The following MARF1 variants were observed in gnomAD, a reference collection of about 807,000 sequenced individuals.
MARF1 encodes the protein meiosis regulator and mRNA stability factor 1.
Under a neutral mutation model 168.2 loss-of-function variants are expected in MARF1, and 24 were observed. The observed-to-expected ratio is 0.14, with a 90% CI of 0.10 to 0.20. The LOEUF is 0.20. Ranked by LOEUF, MARF1 falls within the 10% of genes least tolerant of loss-of-function variation. MARF1 has a pLI of 1.00. For missense variants in MARF1, 1,744 were observed against 2,143.6 expected (o/e 0.81, Z 3.68); for synonymous variants, 868 against 822.4 (o/e 1.06, Z -0.95).
At chr16:15,598,067 G>A (rs2031940863) in intron 26 of MARF1, among the ~76,000 whole-genome samples, 1 of 152,180 alleles carries the variant, frequency 6.6e-6, no homozygotes, top group African/African-American at 2.4e-5. Context: ...GGGAGGAGTT[G>A]GGTTCCAACA....
At chr16:15,619,440 C>G (rs1307933538) in intron 13 of MARF1, among the ~76,000 whole-genome samples, 1 of 152,210 alleles carries the variant, frequency 6.6e-6, no homozygotes, top group Non-Finnish European at 1.5e-5. Flanking sequence ...CTCCCCTGTT[C>G]CTGCCCTCTC....
At chr16:15,609,833 T>A (rs1023903848) in intron 19 of MARF1, 108 bp from the exon 20 acceptor site, 1 of 912,638 alleles carries the variant, frequency 1.1e-6, no homozygotes, top group Admixed American at 2.5e-5. Context: ...GATATCATCC[T>A]TGCCTTCCAA....
chr16:15,611,475 A>C, intron 18 of MARF1, 117 bp downstream of exon 18: 1 of 873,120 alleles, frequency 1.1e-6, no homozygotes, highest in South Asian at 2.1e-5. Flanking sequence ...ACAAAAAACT[A>C]CTACAAGTTT....
chr16:15,635,178 T>G, intron 3 of MARF1: 1 of 470,764 alleles, frequency 2.1e-6, no homozygotes, highest in Non-Finnish European at 3.7e-6. Context: ...TTCTGGGGCA[T>G]GAGTCTGCTG....
At chr16:15,598,455 A>G (rs1276206438) in intron 26 of MARF1, among the ~76,000 whole-genome samples, 1 of 151,814 alleles carries the variant, frequency 6.6e-6, no homozygotes, top group Non-Finnish European at 1.5e-5. Context: ...CCCTCCATTC[A>G]CCCCTTTATA....
chr16:15,603,766 T>G (rs2285048), intron 22 of MARF1, among the ~76,000 whole-genome samples: 2 of 151,532 alleles, frequency 1.3e-5, no homozygotes, highest in Non-Finnish European at 2.9e-5. Context: ...AAAGGCTGCC[T>G]GGGGGACTGG....
chr16:15,636,388 G>A (rs4781677), intron 2 of MARF1, 46 bp from the exon 3 acceptor site: 307,762 of 1,443,116 alleles, frequency 0.21, 35,547 homozygotes, highest in Middle Eastern at 0.28. Flanking sequence ...TGAGGTCCGT[G>A]GTTTTTTGGT....
chr16:15,603,931 C>T (rs1567533529), intron 22 of MARF1, among the ~76,000 whole-genome samples: 1 of 151,960 alleles, frequency 6.6e-6, no homozygotes, highest in Admixed American at 6.6e-5. Context: ...AGGCTTTCAT[C>T]CTAGAACGGG....
intron 5 of MARF1, among the ~76,000 whole-genome samples, chr16:15,632,508 A>G (rs2035317201): frequency 6.6e-6 from 1 of 152,192 alleles, no homozygotes; most frequent in South Asian, 2.1e-4. Context: ...CCATGATTGT[A>G]TTCTCTCCCT....
chr16:15,640,934 T>G (rs1190317476), intron 1 of MARF1, among the ~76,000 whole-genome samples: 1 of 152,052 alleles, frequency 6.6e-6, no homozygotes, highest in Admixed American at 6.6e-5. Flanking sequence ...TAAAATAAAA[T>G]AAAGTTCAAA....
chr16:15,624,938 G>A lies in MARF1; in HGVS notation c.2112-11C>T, dbSNP rs748792130. 4 of 1,613,830 alleles carry A rather than the reference G, an allele frequency of 2.5e-6. No homozygotes were observed. Among genetic ancestry groups the A allele is most frequent in the Middle Eastern group, 3.3e-4 (2 of 6,062 alleles). On this transcript the variant is annotated splice_polypyrimidine_tract_variant and intron_variant, in intron 9 of 26. Transcript: ENST00000396368. ...CTGAGGTTCTCCTTTCTAACAGAAG[G>A]GGAAAATTGAAGGCAAAAGGTCATA... is the stretch of plus-strand genomic sequence containing the variant.
At chr16:15,642,936 G>C (rs2036138451) in intron 1 of MARF1, 82 bp downstream of exon 1, 1 of 189,056 alleles carries the variant, frequency 5.3e-6, no homozygotes, top group Admixed American at 6.5e-5. Context: ...GGGGAAAGAG[G>C]GGACACTGTC....
At position 15,625,170 on chromosome 16, in the gene MARF1, G is replaced by C. The variant is rs761353716; in HGVS notation, c.1957C>G (p.Leu653Val). Residue 653 changes from leucine to valine, a missense_variant, in exon 9 of 27, where the codon CTG becomes GTG. Coordinates refer to ENST00000396368, the MANE Select transcript of MARF1 (RefSeq NM_014647.4). The stretch of plus-strand genomic sequence containing the variant: ...CCAGTTTTTGACTCCATGCGGCACA[G>C]CTCCTTCAAAGACACAAGCACAGTG... ...KNTNVKSLQE[L>V]CRMESKTGHR... 2.5e-5 allele frequency: 40 copies of C among 1,613,714 alleles called. No homozygotes were observed. The highest frequency in any genetic ancestry group is 3.2e-5 in the Non-Finnish European group (38 of 1,179,898).
At chr16:15,635,415 T>A in intron 3 of MARF1, 1 of 515,588 alleles carries the variant, frequency 1.9e-6, no homozygotes, top group East Asian at 3.0e-5. Flanking sequence ...ACCTCTTGTT[T>A]GCAACAAGAG....
At chr16:15,603,420 A>G (rs1467844252) in intron 22 of MARF1, among the ~76,000 whole-genome samples, 1 of 151,942 alleles carries the variant, frequency 6.6e-6, no homozygotes, top group Non-Finnish European at 1.5e-5. Flanking sequence ...GTGATTCTCT[A>G]GCCTCAGCCT....
intron 16 of MARF1, among the ~76,000 whole-genome samples, chr16:15,614,792 CA>C (rs201659285): frequency 2.9e-4 from 41 of 143,248 alleles, no homozygotes; most frequent in South Asian, 4.4e-4. Flanking sequence ...GACTCCGTCT[CA>C]AAAAAAAAAA....
At position 15,596,489 on chromosome 16, in the gene MARF1, G is replaced by T. The variant is rs867037208; in HGVS notation, c.*204C>A. ...CAAGTTCTTCAAATAATTGAAAAAA[G>T]AAAGAAAAAGGAAGAAGAAAAGAAA... On this transcript the variant is annotated 3_prime_UTR_variant, in exon 27 of 27. Coordinates refer to ENST00000396368, the MANE Select transcript of MARF1 (RefSeq NM_014647.4). 1.7e-5 allele frequency: 7 copies of T among 424,022 alleles called. No homozygotes were observed. Among genetic ancestry groups the T allele is most frequent in the Middle Eastern group, 6.3e-4 (1 of 1,600 alleles). The allele number at this position is 424,022 out of a possible 1,614,324, so 26.3% of individuals were successfully genotyped here.
At chr16:15,635,144 T>C (rs934520218) in intron 3 of MARF1, 1 of 516,932 alleles carries the variant, frequency 1.9e-6, no homozygotes, top group Non-Finnish European at 3.4e-6. Flanking sequence ...TCAAGAAAGA[T>C]ATTCACGTGG....
At chr16:15,610,659 G>A in intron 19 of MARF1, 1 of 236,972 alleles carries the variant, frequency 4.2e-6, no homozygotes, top group East Asian at 9.7e-5. Context: ...AACAGGCACG[G>A]TGACAGATTC....
Sources: gnomAD v4.1 joint callset for allele counts (sites outside exome capture counted in the v4.1 genomes callset) on GRCh38, gnomAD v4.1.1 for gene constraint, MANE v1.5 for transcripts, NCBI Gene and HGNC (gene_info 2026-07-23, HGNC 2026-07-21) for gene names.